Variants in TXK observed in about 807,000 individuals in gnomAD.
The protein encoded by TXK is TXK tyrosine kinase.
In TXK, 60 loss-of-function variants were observed where a neutral mutation model predicts 81.0. The ratio of observed to expected loss-of-function variants is 0.74; its 90% CI spans 0.60 to 0.92. The LOEUF (loss-of-function observed/expected upper bound fraction) is 0.92. Among genes scored for constraint, TXK ranks in the 40% least tolerant of loss-of-function variants. The pLI, the probability that TXK is intolerant of heterozygous loss-of-function variation, is 0.00. For synonymous variants in TXK, 203 were observed against 210.7 expected (o/e 0.96, Z 0.32); for missense variants, 581 against 638.3 (o/e 0.91, Z 0.97).
intron 1 of TXK, among the ~76,000 whole-genome samples, chr4:48,118,579 C>A (rs1039620444): frequency 1.3e-5 from 2 of 152,170 alleles, no homozygotes; most frequent in African/African-American, 4.8e-5. Context: ...ATTTGATGAT[C>A]CGTGATTAAG....
intron 8 of TXK, among the ~76,000 whole-genome samples, chr4:48,092,876 A>C (rs765357685): frequency 6.6e-5 from 10 of 152,200 alleles, no homozygotes; most frequent in Admixed American, 3.3e-4. Flanking sequence ...GTACACAGAC[A>C]GGGGATTTGC....
At position 48,094,213 on chromosome 4, in the gene TXK, A is replaced by C. The variant is rs754873401; in HGVS notation, c.582-9T>G. 1.2e-6 allele frequency: 2 copies of C among 1,612,448 alleles called. No individual in the cohort carries two copies. Among genetic ancestry groups the C allele is most frequent in the Non-Finnish European group, 1.7e-6 (2 of 1,179,792 alleles). ...TGGCAGCCTCCGTACTTCTACAATC[A>C]AGAAAATGTGAATTACTAGAAATGT... On this transcript the variant is annotated splice_polypyrimidine_tract_variant and intron_variant, in intron 7 of 14. Transcript: ENST00000264316.
chr4:48,106,355 A>G (rs989245586), intron 5 of TXK, among the ~76,000 whole-genome samples: 6 of 151,606 alleles, frequency 4.0e-5, no homozygotes, highest in African/African-American at 1.2e-4. Flanking sequence ...TCAGAATTTC[A>G]TCTATTTAAA....
intron 1 of TXK, among the ~76,000 whole-genome samples, chr4:48,117,529 T>A (rs926740036): frequency 1.3e-5 from 2 of 152,166 alleles, no homozygotes; most frequent in African/African-American, 2.4e-5. Flanking sequence ...AGGAATCCCA[T>A]AGTGGCCACA....
intron 4 of TXK, among the ~76,000 whole-genome samples, chr4:48,110,837 C>T (rs1452582834): frequency 6.6e-6 from 1 of 152,134 alleles, no homozygotes; most frequent in Non-Finnish European, 1.5e-5. Flanking sequence ...GGTTTTATGA[C>T]CCCACAATCT....
At chr4:48,108,060 G>C (rs887682488) in intron 5 of TXK, among the ~76,000 whole-genome samples, 2 of 151,810 alleles carry the variant, frequency 1.3e-5, no homozygotes, top group African/African-American at 4.9e-5. Context: ...GACAGAGCGA[G>C]ACTCTGTCTC....
chr4:48,075,089 G>A (rs3805186), intron 12 of TXK, among the ~76,000 whole-genome samples: 13,791 of 151,950 alleles, frequency 0.091, 870 homozygotes, highest in East Asian at 0.36. Context: ...AGGAATGGGG[G>A]AAATAGAAGG....
intron 6 of TXK, among the ~76,000 whole-genome samples, chr4:48,096,384 G>A (rs1210679931): frequency 2.0e-5 from 3 of 152,162 alleles, no homozygotes; most frequent in Non-Finnish European, 4.4e-5. Context: ...CATATGTAGT[G>A]ATAGCTTTAT....
chr4:48,112,633 A>C, intron 3 of TXK, 121 bp from the exon 4 acceptor site: 1 of 951,094 alleles, frequency 1.1e-6, no homozygotes, highest in Non-Finnish European at 1.5e-6. Flanking sequence ...CCAAGGCAGA[A>C]GCCAGGATGA....
intron 7 of TXK, among the ~76,000 whole-genome samples, chr4:48,094,920 C>T (rs925619744): frequency 6.6e-6 from 1 of 152,194 alleles, no homozygotes; most frequent in African/African-American, 2.4e-5. Flanking sequence ...TACAACTAAT[C>T]TCCCCCTCTT....
intron 6 of TXK, among the ~76,000 whole-genome samples, chr4:48,095,951 T>C (rs929473893): frequency 1.3e-5 from 2 of 152,244 alleles, no homozygotes; most frequent in African/African-American, 4.8e-5. Context: ...CTTTACTGAG[T>C]GTGCTTATGC....
At chr4:48,081,188 A>G (rs1022846849) in intron 10 of TXK, among the ~76,000 whole-genome samples, 3 of 152,132 alleles carry the variant, frequency 2.0e-5, no homozygotes, top group Non-Finnish European at 4.4e-5. Flanking sequence ...TTACATATAT[A>G]TAGAGTAAGT....
intron 9 of TXK, among the ~76,000 whole-genome samples, chr4:48,087,355 T>C (rs968330382): frequency 3.9e-5 from 6 of 152,180 alleles, no homozygotes; most frequent in Non-Finnish European, 8.8e-5. Flanking sequence ...TTTAAAAGAA[T>C]TGTAAAATCT....
At chr4:48,134,033 GA>G in intron 1 of TXK, 121 bp downstream of exon 1, 1 of 1,054,894 alleles carries the variant, frequency 9.5e-7, no homozygotes, top group Non-Finnish European at 1.4e-6. Flanking sequence ...AACATCTGAG[GA>G]AATTATCTTT....
intron 6 of TXK, among the ~76,000 whole-genome samples, chr4:48,097,270 T>A (rs567841993): frequency 2.0e-5 from 3 of 152,154 alleles, no homozygotes; most frequent in Non-Finnish European, 2.9e-5. Context: ...TTAAGGAATT[T>A]ACTTGATTCT....
chr4:48,117,362 T>G (rs1434051312), intron 1 of TXK, among the ~76,000 whole-genome samples: 1 of 152,184 alleles, frequency 6.6e-6, no homozygotes, highest in South Asian at 2.1e-4. Flanking sequence ...CCAGGACTAT[T>G]AAGAATATTA....
chr4:48,089,578 G>T, intron 9 of TXK, 172 bp downstream of exon 9: 1 of 476,674 alleles, frequency 2.1e-6, no homozygotes, highest in South Asian at 2.4e-5. Flanking sequence ...TTTTAGTAGA[G>T]ACGGGGTATC....
At chr4:48,100,430 T>A (rs968326812) in intron 6 of TXK, among the ~76,000 whole-genome samples, 1 of 152,122 alleles carries the variant, frequency 6.6e-6, no homozygotes, top group East Asian at 1.9e-4. Flanking sequence ...AATACAGACA[T>A]ATAAAATTTA....
At chr4:48,092,960 T>G (rs1361100219) in intron 8 of TXK, among the ~76,000 whole-genome samples, 1 of 152,224 alleles carries the variant, frequency 6.6e-6, no homozygotes, top group Non-Finnish European at 1.5e-5. Context: ...CAGGAATGGA[T>G]GCTCACCGTG....
Sources: gnomAD v4.1 joint callset for allele counts (sites outside exome capture counted in the v4.1 genomes callset) on GRCh38, gnomAD v4.1.1 for gene constraint, MANE v1.5 for transcripts, NCBI Gene and HGNC (gene_info 2026-07-23, HGNC 2026-07-21) for gene names.